PTPRK: variants seen among roughly 807,000 people sequenced by gnomAD.
PTPRK encodes the protein receptor-type tyrosine-protein phosphatase kappa.
PTPRK carries 75 observed loss-of-function variants against 178.0 expected under a neutral mutation model. The observed-to-expected ratio is 0.42, with a 90% confidence interval of 0.35 to 0.51. The LOEUF (loss-of-function observed/expected upper bound fraction) is 0.51. Ranked by LOEUF, PTPRK falls within the 20% of genes least tolerant of loss-of-function variation. The pLI is 0.02. For missense variants in PTPRK, 1,441 were observed against 1,797.8 expected (o/e 0.80, Z 3.59); for synonymous variants, 637 against 620.6 (o/e 1.03, Z -0.39).
At chr6:128,052,037 C>T (rs1486530431) in intron 13 of PTPRK, among the ~76,000 whole-genome samples, 1 of 152,126 alleles carries the variant, frequency 6.6e-6, no homozygotes, top group African/African-American at 2.4e-5. Context: ...TTGTACTCCA[C>T]CATCATATCC....
chr6:128,513,614 G>A (rs1038537254), intron 1 of PTPRK, among the ~76,000 whole-genome samples: 5 of 152,220 alleles, frequency 3.3e-5, no homozygotes, highest in South Asian at 4.1e-4. Flanking sequence ...AAATTCTATG[G>A]TAAAGTTCAT....
At chr6:127,997,108 T>A (rs1583567656) in intron 16 of PTPRK, 120 bp from the exon 17 acceptor site, 1 of 961,598 alleles carries the variant, frequency 1.0e-6, no homozygotes, top group Non-Finnish European at 1.5e-6. Flanking sequence ...AGTCCTACAG[T>A]AGTAAACAAG....
chr6:128,288,767 T>C (rs927488318), intron 3 of PTPRK, among the ~76,000 whole-genome samples: 6 of 152,138 alleles, frequency 3.9e-5, no homozygotes, highest in South Asian at 2.1e-4. Flanking sequence ...TCACACTCTA[T>C]AGTCAGTTAA....
intron 6 of PTPRK, among the ~76,000 whole-genome samples, chr6:128,199,951 T>C (rs1429171533): frequency 6.6e-6 from 1 of 152,194 alleles, no homozygotes; most frequent in Non-Finnish European, 1.5e-5. Flanking sequence ...GGATCAAGTA[T>C]AGGTTAGAAG....
chr6:128,277,096 G>C (rs1820834780), intron 3 of PTPRK, among the ~76,000 whole-genome samples: 1 of 151,522 alleles, frequency 6.6e-6, no homozygotes, highest in Admixed American at 6.6e-5. Flanking sequence ...CTTATAGCTT[G>C]GCACAACAGT....
chr6:128,403,769 A>T (rs1841327834), intron 1 of PTPRK, among the ~76,000 whole-genome samples: 1 of 152,220 alleles, frequency 6.6e-6, no homozygotes, highest in Non-Finnish European at 1.5e-5. Context: ...ATATTGCCAA[A>T]ACCAGTTTTA....
At chr6:128,057,725 G>A (rs1048350283) in intron 13 of PTPRK, among the ~76,000 whole-genome samples, 1 of 151,966 alleles carries the variant, frequency 6.6e-6, no homozygotes, top group Non-Finnish European at 1.5e-5. Flanking sequence ...GTAATAAGTC[G>A]TAGCCATGAG....
At chr6:128,175,474 T>G (rs568209475) in intron 7 of PTPRK, among the ~76,000 whole-genome samples, 1 of 151,896 alleles carries the variant, frequency 6.6e-6, no homozygotes, top group East Asian at 1.9e-4. Flanking sequence ...TAAGAATGGT[T>G]ACATACATTC....
chr6:128,061,217 A>G (rs1043295871), intron 13 of PTPRK, among the ~76,000 whole-genome samples: 1 of 152,150 alleles, frequency 6.6e-6, no homozygotes, highest in African/African-American at 2.4e-5. Flanking sequence ...TCTAAAATAA[A>G]GGGGATGTGA....
intron 3 of PTPRK, among the ~76,000 whole-genome samples, chr6:128,294,528 T>A (rs993727692): frequency 6.6e-6 from 1 of 152,118 alleles, no homozygotes; most frequent in Non-Finnish European, 1.5e-5. Flanking sequence ...TAGTGAAGTC[T>A]GGAAATGTTT....
intron 13 of PTPRK, among the ~76,000 whole-genome samples, chr6:128,041,080 T>G (rs537614954): frequency 6.6e-6 from 1 of 152,104 alleles, no homozygotes; most frequent in Non-Finnish European, 1.5e-5. Context: ...ATTTAAGATA[T>G]TTTTATTTTA....
At chr6:128,301,687 A>T (rs1408151677) in intron 3 of PTPRK, among the ~76,000 whole-genome samples, 1 of 152,190 alleles carries the variant, frequency 6.6e-6, no homozygotes, top group Non-Finnish European at 1.5e-5. Context: ...ATAAATGCAC[A>T]TCTACTTATC....
chr6:128,284,223 C>G (rs903300596), intron 3 of PTPRK, among the ~76,000 whole-genome samples: 2 of 152,128 alleles, frequency 1.3e-5, no homozygotes, highest in African/African-American at 2.4e-5. Context: ...AATGCCAATG[C>G]CTGTGACTAT....
chr6:127,998,975 A>C, intron 15 of PTPRK, 71 bp from the exon 16 acceptor site: 1 of 1,308,732 alleles, frequency 7.6e-7, no homozygotes, highest in Non-Finnish European at 1.0e-6. Context: ...GTATCTATGC[A>C]ATGAAGATTT....
At chr6:128,461,094 C>G (rs1399958789) in intron 1 of PTPRK, among the ~76,000 whole-genome samples, 1 of 152,118 alleles carries the variant, frequency 6.6e-6, no homozygotes, top group East Asian at 1.9e-4. Context: ...TTATAATGGA[C>G]CAATTTAATC....
intron 3 of PTPRK, among the ~76,000 whole-genome samples, chr6:128,255,959 G>A (rs1388861029): frequency 6.6e-6 from 1 of 152,120 alleles, no homozygotes; most frequent in Non-Finnish European, 1.5e-5. Flanking sequence ...TTATCAGATA[G>A]CCAGCTAAAA....
intron 6 of PTPRK, among the ~76,000 whole-genome samples, chr6:128,188,849 C>T (rs1803219030): frequency 6.6e-6 from 1 of 152,208 alleles, no homozygotes; most frequent in African/African-American, 2.4e-5. Context: ...TTCTCCTCTC[C>T]TGTCTGTAGT....
intron 2 of PTPRK, among the ~76,000 whole-genome samples, chr6:128,346,604 A>G (rs1033100766): frequency 6.6e-6 from 1 of 152,182 alleles, no homozygotes; most frequent in Non-Finnish European, 1.5e-5. Flanking sequence ...CAGATCTTAA[A>G]GAAAGATAAA....
At position 128,468,320 on chromosome 6, in the gene PTPRK, C is replaced by T. The variant is rs560817793; in HGVS notation, c.100+51939G>A. Among the ~76,000 whole-genome samples the T allele has an allele frequency of 9.2e-5, 14 of 152,242 alleles. No individual in the cohort carries two copies. In the East Asian group the frequency reaches 2.1e-3, roughly 23 times the overall value. ...AAACATGTATGCATATACACACACACAATCTTAGACCAAATTTCAGTCTGG... is the reference window on the plus strand; with the variant it reads ...AAACATGTATGCATATACACACACATAATCTTAGACCAAATTTCAGTCTGG... On this transcript the variant is annotated intron_variant, in intron 1 of 29. Coordinates refer to ENST00000368226, the MANE Select transcript of PTPRK (RefSeq NM_002844.4).
Sources: gnomAD v4.1 joint callset for allele counts (sites outside exome capture counted in the v4.1 genomes callset) on GRCh38, gnomAD v4.1.1 for gene constraint, MANE v1.5 for transcripts, NCBI Gene and HGNC (gene_info 2026-07-23, HGNC 2026-07-21) for gene names.